TRIM37: variants seen among roughly 807,000 people sequenced by gnomAD.
TRIM37 encodes the protein tripartite motif containing 37.
In TRIM37, 80 loss-of-function variants were observed where a neutral mutation model predicts 129.8. The ratio of observed to expected loss-of-function variants is 0.62; its 90% CI spans 0.51 to 0.74. The LOEUF (loss-of-function observed/expected upper bound fraction) is 0.74. Ranked by LOEUF, TRIM37 falls within the 30% of genes least tolerant of loss-of-function variation. The probability of loss-of-function intolerance (pLI) is 0.00; values close to 1 mark genes in which losing one functional copy is unlikely to be tolerated. For synonymous variants in TRIM37, 389 were observed against 387.1 expected, an observed-to-expected ratio of 1.00 and a Z score of -0.06; for missense variants, 1,054 against 1,176.5, an observed-to-expected ratio of 0.90 and a Z score of 1.52.
At chr17:59,081,937 C>CAAAAAAAAAAAAAA (rs1157296161) in intron 5 of TRIM37, among the ~76,000 whole-genome samples, 2 of 48,856 alleles carry the variant, frequency 4.1e-5, no homozygotes, top group African/African-American at 8.5e-5. Context: ...TAATAAAAAC[C>CAAAAAAAAAAAAAA]AAAAAAAAAA....
intron 5 of TRIM37, among the ~76,000 whole-genome samples, chr17:59,083,152 G>C (rs8081058): frequency 0.24 from 36,806 of 152,032 alleles, 4,757 homozygotes; most frequent in African/African-American, 0.33. Context: ...TAAGTATTCA[G>C]AGGCTGGGCG....
chr17:58,998,077 T>C (rs1482044933), downstream of TRIM37: 2 of 365,498 alleles, frequency 5.5e-6, no homozygotes, highest in Non-Finnish European at 7.6e-6. Context: ...ATGCTAGGCA[T>C]CACTCCTCGC....
chr17:58,981,052 G>C (rs761373848), downstream of TRIM37: 14 of 1,511,468 alleles, frequency 9.3e-6, no homozygotes, highest in South Asian at 1.8e-4. Flanking sequence ...AAGTAGGTTA[G>C]CTAGCTCTCC....
At chr17:58,970,269 T>C in the TRIM37 span, among the ~76,000 whole-genome samples, 3 of 152,208 alleles carry the variant, frequency 2.0e-5, no homozygotes, top group Non-Finnish European at 4.4e-5. Context: ...GCTCATGTCC[T>C]ACATTGCGAA....
downstream of TRIM37, among the ~76,000 whole-genome samples, chr17:58,977,767 G>C (rs2031104423): frequency 6.6e-6 from 1 of 152,040 alleles, no homozygotes; most frequent in Admixed American, 6.6e-5. Context: ...TTTTGAGACA[G>C]AGTCTCCCTC....
At chr17:59,101,549 C>T (rs1358099223) in intron 2 of TRIM37, among the ~76,000 whole-genome samples, 6 of 147,940 alleles carry the variant, frequency 4.1e-5, no homozygotes, top group Admixed American at 6.9e-5. Context: ...CCAGAGGCAG[C>T]GGCTCATGCC....
At chr17:58,990,610 G>A (rs902534010) in intron 24 of TRIM37, among the ~76,000 whole-genome samples, 10 of 151,612 alleles carry the variant, frequency 6.6e-5, no homozygotes, top group African/African-American at 2.4e-4. Flanking sequence ...GACCAACCTG[G>A]TGAAACCCTG....
chr17:59,038,695 G>A (rs543013646), intron 17 of TRIM37, among the ~76,000 whole-genome samples: 6 of 152,218 alleles, frequency 3.9e-5, no homozygotes, highest in Admixed American at 6.5e-5. Context: ...AGGAAAGAAT[G>A]GACCTAACTA....
intron 14 of TRIM37, 49 bp downstream of exon 14, chr17:59,051,165 G>T: frequency 8.4e-7 from 1 of 1,185,856 alleles, no homozygotes; most frequent in Non-Finnish European, 1.2e-6. Flanking sequence ...AATATAACAA[G>T]CCAAAAGGAC....
At chr17:59,067,109 G>A (rs530539336) in intron 9 of TRIM37, among the ~76,000 whole-genome samples, 7 of 152,094 alleles carry the variant, frequency 4.6e-5, no homozygotes, top group East Asian at 1.9e-4. Flanking sequence ...GCGCGATCTC[G>A]GCTCACTGAT....
At chr17:58,996,389 G>T (rs181756810), downstream of TRIM37, among the ~76,000 whole-genome samples, 1 of 150,542 alleles carries the variant, frequency 6.6e-6, no homozygotes. Context: ...AGAATGGCTT[G>T]AATCAGGGAG....
Position 59,106,696 on chromosome 17 carries a change from G to T in TRIM37, c.-235C>A. On this transcript the variant is annotated 5_prime_UTR_variant, in exon 1 of 24. Transcript: ENST00000262294. ...CCGAGGCGCAGAAGTAGGGCGAACG[G>T]TGGCCGCAGCTCCTTTCTCCCGGCT... 1.7e-6 allele frequency: 1 copy of T among 596,972 alleles called. No individual in the cohort carries two copies. The highest frequency in any genetic ancestry group is 2.0e-5 in the South Asian group (1 of 50,310). The allele number at this position is 596,972 out of a possible 1,614,324, so 37.0% of individuals were successfully genotyped here.
chr17:59,041,357 C>T (rs1031227493), intron 17 of TRIM37, among the ~76,000 whole-genome samples: 4 of 152,088 alleles, frequency 2.6e-5, no homozygotes, highest in South Asian at 2.1e-4. Context: ...TAAGATCCTT[C>T]GTAAGTCTAA....
At chr17:58,980,842 T>G, downstream of TRIM37, 1 of 1,614,156 alleles carries the variant, frequency 6.2e-7, no homozygotes, top group Non-Finnish European at 8.5e-7. The surrounding 1 kb of genome is among the most constrained non-coding windows in gnomAD (Gnocchi z 4.7). Context: ...TTCTCTCTGC[T>G]CAAGAGCCTT....
intron 2 of TRIM37, among the ~76,000 whole-genome samples, chr17:59,096,989 A>G (rs1442080758): frequency 2.0e-5 from 3 of 152,228 alleles, no homozygotes; most frequent in Non-Finnish European, 4.4e-5. Context: ...AAATCATTCA[A>G]TGTAATAAAC....
intron 4 of TRIM37, among the ~76,000 whole-genome samples, chr17:59,086,474 G>C (rs2043763543): frequency 6.6e-6 from 1 of 152,022 alleles, no homozygotes; most frequent in South Asian, 2.1e-4. Flanking sequence ...CCTGACCTTA[G>C]GTGATCCACC....
At chr17:58,992,802 T>C (rs1229752122) in intron 24 of TRIM37, among the ~76,000 whole-genome samples, 2 of 152,182 alleles carry the variant, frequency 1.3e-5, no homozygotes, top group Non-Finnish European at 2.9e-5. Context: ...GCATTTCTGG[T>C]GTAGCCAGCC....
intron 24 of TRIM37, among the ~76,000 whole-genome samples, chr17:58,986,802 G>A (rs2031861115): frequency 1.3e-5 from 2 of 152,114 alleles, no homozygotes; most frequent in Non-Finnish European, 2.9e-5. Flanking sequence ...GAGACACCAC[G>A]CCCAGCCCCA....
intron 13 of TRIM37, among the ~76,000 whole-genome samples, chr17:59,053,839 C>G (rs2040580996): frequency 6.6e-6 from 1 of 152,172 alleles, no homozygotes; most frequent in African/African-American, 2.4e-5. Flanking sequence ...TGGCATGCAC[C>G]TGTAATCCTA....
Sources: gnomAD v4.1 joint callset for allele counts (sites outside exome capture counted in the v4.1 genomes callset) on GRCh38, gnomAD v4.1.1 for gene constraint, Gnocchi (gnomAD v3.1) non-coding constraint, MANE v1.5 for transcripts, NCBI Gene and HGNC (gene_info 2026-07-23, HGNC 2026-07-21) for gene names.